Variants in TMPRSS3 observed in about 807,000 individuals in gnomAD.
The protein encoded by TMPRSS3 is transmembrane protease serine 3.
In TMPRSS3, 55 loss-of-function variants were observed where a neutral mutation model predicts 59.6. The observed-to-expected ratio is 0.92, with a 90% confidence interval of 0.74 to 1.16. The LOEUF is 1.16. Among genes scored for constraint, TMPRSS3 ranks in the 50% most tolerant of loss-of-function variants. The probability of loss-of-function intolerance (pLI) is 0.00; values close to 1 mark genes in which losing one functional copy is unlikely to be tolerated. For synonymous variants in TMPRSS3, 257 were observed against 237.7 expected (o/e 1.08, Z -0.75); for missense variants, 596 against 579.4 (o/e 1.03, Z -0.29).
chr21:42,396,041 C>T lies in TMPRSS3; in HGVS notation c.-151G>A, dbSNP rs771916158. 23 of 518,874 alleles carry T rather than the reference C, an allele frequency of 4.4e-5. No individual in the cohort carries two copies. Among genetic ancestry groups the T allele is most frequent in the African/African-American group, 2.7e-4 (14 of 51,952 alleles). The allele number at this position is 518,874 out of a possible 1,614,324, so 32.1% of individuals were successfully genotyped here. On this transcript the variant is annotated 5_prime_UTR_variant, in exon 1 of 13. The change creates a new upstream start codon in the 5' untranslated region. Transcript: ENST00000644384. Reference sequence around the variant, plus strand: ...AAACACAGCCCTTTCCTGGCTCACACGGGCATGACCTAATTAAGAACGAAA... The same window carrying T: ...AAACACAGCCCTTTCCTGGCTCACATGGGCATGACCTAATTAAGAACGAAA...
chr21:42,382,888 TG>T, intron 8 of TMPRSS3, 144 bp downstream of exon 8: 1 of 984,890 alleles, frequency 1.0e-6, no homozygotes, highest in Non-Finnish European at 1.5e-6. Flanking sequence ...ACAGTGAGGC[TG>T]GAGACTCCTC....
intron 1 of TMPRSS3, 162 bp downstream of exon 1, chr21:42,395,780 C>T (rs938685865): frequency 1.3e-5 from 5 of 397,918 alleles, no homozygotes; most frequent in Non-Finnish European, 2.5e-5. Context: ...CTCCCTCTCA[C>T]CATTTAGAAG....
intron 10 of TMPRSS3, 108 bp from the exon 11 acceptor site, chr21:42,376,791 G>A: frequency 3.9e-6 from 6 of 1,533,004 alleles, no homozygotes; most frequent in Non-Finnish European, 5.4e-6. Context: ...CGAGGGGGAT[G>A]CTCTCTGGTG....
At chr21:42,377,913 G>A (rs2052458065) in intron 10 of TMPRSS3, among the ~76,000 whole-genome samples, 1 of 152,270 alleles carries the variant, frequency 6.6e-6, no homozygotes, top group South Asian at 2.1e-4. Flanking sequence ...ACAGCGAGAA[G>A]AAAATCGGCA....
At chr21:42,384,346 G>A (rs1392297348) in intron 6 of TMPRSS3, among the ~76,000 whole-genome samples, 1 of 152,166 alleles carries the variant, frequency 6.6e-6, no homozygotes, top group East Asian at 1.9e-4. Flanking sequence ...TCAGCCCAAT[G>A]TTCTCCACCT....
chr21:42,374,260 G>A (rs2052383049), intron 12 of TMPRSS3, among the ~76,000 whole-genome samples: 1 of 152,192 alleles, frequency 6.6e-6, no homozygotes, highest in African/African-American at 2.4e-5. Context: ...AGGTGAGCAG[G>A]AGCAAGCACT....
chr21:42,383,941 CT>C, intron 7 of TMPRSS3, 28 bp downstream of exon 7: 1 of 1,613,748 alleles, frequency 6.2e-7, no homozygotes, highest in East Asian at 2.2e-5. Flanking sequence ...CTTGCTCCCC[CT>C]GGACCCCTGC....
intron 10 of TMPRSS3, among the ~76,000 whole-genome samples, chr21:42,377,630 G>T (rs972409985): frequency 6.6e-6 from 1 of 152,172 alleles, no homozygotes; most frequent in African/African-American, 2.4e-5. Flanking sequence ...CGACACCGAG[G>T]GATGGACCCC....
intron 2 of TMPRSS3, among the ~76,000 whole-genome samples, chr21:42,392,420 G>A (rs2052745220): frequency 6.6e-6 from 1 of 152,224 alleles, no homozygotes; most frequent in Non-Finnish European, 1.5e-5. Flanking sequence ...AGGCTGTGAG[G>A]AACGCAGAGT....
chr21:42,372,222 C>T lies in TMPRSS3; in HGVS notation c.*540G>A, dbSNP rs144138830. ...AACCAGATGGACCAGTGGGAAAGGC[C>T]GCCCTTGCAAGTTGCTGCTTCTTTT... On this transcript the variant is annotated 3_prime_UTR_variant, in exon 13 of 13. Transcript: ENST00000644384. 33 of 443,594 alleles carry T rather than the reference C, an allele frequency of 7.4e-5. No individual in the cohort carries two copies. In the East Asian group the frequency reaches 2.0e-3, roughly 26 times the overall value. 27.5% of individuals were successfully genotyped at this position (443,594 alleles called of 1,614,324 possible).
In TMPRSS3 at chr21:42,375,772, G is replaced by A. The variant is rs767931569; in HGVS notation, c.1288C>T (p.Pro430Ser). 6 of 1,613,762 alleles carry A rather than the reference G, an allele frequency of 3.7e-6. No homozygotes were observed. Among genetic ancestry groups the A allele is most frequent in the Non-Finnish European group, 4.2e-6 (5 of 1,180,022 alleles). ...FGIGCAEVNK[P>S]GVYTRVTSFL... ...GAGGTGACACGGGTGTACACCCCAG[G>A]CTTGTTCACCTCTGCGCAGCCGATG... The change falls in exon 12 of 13, where the codon CCT (proline) becomes TCT (serine). Residue 430 changes from proline to serine, a missense_variant. By Grantham distance (74) the Pro-to-Ser change is moderately conservative. Transcript: ENST00000644384.
At chr21:42,386,591 A>G (rs2052637407) in intron 5 of TMPRSS3, among the ~76,000 whole-genome samples, 2 of 152,218 alleles carry the variant, frequency 1.3e-5, no homozygotes, top group South Asian at 4.1e-4. Flanking sequence ...ACACTCGCCC[A>G]GTGTGCTCTT....
chr21:42,395,685 A>AT, intron 1 of TMPRSS3: 1 of 462,488 alleles, frequency 2.2e-6, no homozygotes, highest in Admixed American at 3.4e-5. Flanking sequence ...AAAAAAAAAA[A>AT]AAAAAGTATG....
At chr21:42,384,918 C>A (rs545862413) in intron 6 of TMPRSS3, among the ~76,000 whole-genome samples, 2 of 151,094 alleles carry the variant, frequency 1.3e-5, no homozygotes, top group Non-Finnish European at 2.9e-5. Context: ...TTACCTTCCC[C>A]ATGAGTTGTT....
At chr21:42,395,107 C>T (rs761945985) in intron 2 of TMPRSS3, among the ~76,000 whole-genome samples, 4 of 152,130 alleles carry the variant, frequency 2.6e-5, no homozygotes, top group Admixed American at 6.5e-5. Flanking sequence ...AAGAAAACAC[C>T]GGTCTCCAGG....
Position 42,371,973 on chromosome 21 carries a change from C to T in TMPRSS3, c.*789G>A, listed in dbSNP as rs1182303205. ...GCTACAAAGAAATCATGAAAATAGG[C>T]CTTAAACGAGTCATTCCTAGATTAA... On this transcript the variant is annotated 3_prime_UTR_variant, in exon 13 of 13. Coordinates refer to ENST00000644384, the MANE Select transcript of TMPRSS3 (RefSeq NM_001256317.3). 1 of 454,602 alleles carries T rather than the reference C, an allele frequency of 2.2e-6. No individual in the cohort carries two copies. The highest frequency in any genetic ancestry group is 2.3e-5 in the Admixed American group (1 of 42,568). The allele number at this position is 454,602 out of a possible 1,614,324, so 28.2% of individuals were successfully genotyped here.
chr21:42,384,156 C>CA lies in TMPRSS3; in HGVS notation c.573-144dup, dbSNP rs10670677. 98,046 of 541,966 alleles carry CA rather than the reference C, an allele frequency of 0.18. 1,701 individuals are homozygous for CA. The highest frequency in any genetic ancestry group is 0.29 in the East Asian group (8,934 of 31,042). The allele number at this position is 541,966 out of a possible 1,614,324, so 33.6% of individuals were successfully genotyped here. On this transcript the variant is annotated intron_variant, in intron 6 of 12. Transcript: ENST00000644384. Reference sequence around the variant, plus strand: ...ATAGATTACAATTTTAGTCTATGTTCAAAAAAAAAAAAAACCATGAGGATG... The same window carrying CA: ...ATAGATTACAATTTTAGTCTATGTTCAAAAAAAAAAAAAAACCATGAGGATG...
chr21:42,385,521 C>T lies in TMPRSS3; in HGVS notation c.460G>A (p.Asp154Asn), dbSNP rs1183566778. ...QLGFPSYVSS[D>N]NLRVSSLEGQ... ...TCCAGCGAGCTCACTCTGAGGTTAT[C>T]TGAACTCACATAGCTGCAAGCACAT... The change falls in exon 6 of 13, where the codon GAT becomes AAT. Residue 154 changes from aspartate to asparagine, a missense_variant. Asp to Asn is a conservative substitution (Grantham distance 23, BLOSUM62 1). Transcript: ENST00000644384. The T allele has an allele frequency of 3.7e-6, 6 of 1,614,050 alleles. No homozygotes were observed. The African/African-American group carries it at 8.0e-5, about 22-fold the overall frequency.
intron 12 of TMPRSS3, among the ~76,000 whole-genome samples, chr21:42,373,353 G>T (rs1269565134): frequency 6.6e-6 from 1 of 152,216 alleles, no homozygotes; most frequent in Non-Finnish European, 1.5e-5. Flanking sequence ...CGCATCTCTC[G>T]CATGCACTGG....
Sources: allele counts gnomAD v4.1 joint callset (sites outside exome capture counted in the v4.1 genomes callset), GRCh38; gene constraint gnomAD v4.1.1; transcripts MANE v1.5; gene names NCBI Gene and HGNC (gene_info 2026-07-23, HGNC 2026-07-21).